Variants in SLC22A5 observed in about 807,000 individuals in gnomAD.
The protein encoded by SLC22A5 is solute carrier family 22 member 5.
Under a neutral mutation model 56.7 loss-of-function variants are expected in SLC22A5, and 44 were observed. The ratio of observed to expected loss-of-function variants is 0.78; its 90% CI spans 0.61 to 1.00. The LOEUF (loss-of-function observed/expected upper bound fraction) is 1.00, where lower values mean the gene tolerates loss of function less well. Among genes scored for constraint, SLC22A5 ranks in the 50% least tolerant of loss-of-function variants. SLC22A5 has a pLI of 0.00. For synonymous variants in SLC22A5, 278 were observed against 292.1 expected (o/e 0.95, Z 0.49); for missense variants, 675 against 723.0 (o/e 0.93, Z 0.76).
intron 2 of SLC22A5, chr5:132,381,412 C>T (rs926411524): frequency 6.6e-6 from 1 of 152,234 alleles, no homozygotes; most frequent in African/African-American, 2.4e-5. Context: ...TTCCCAATGC[C>T]CTGCCTCAAG....
chr5:132,370,452 G>T (rs1025794452), intron 1 of SLC22A5, 87 bp downstream of exon 1: 36 of 1,393,336 alleles, frequency 2.6e-5, no homozygotes, highest in African/African-American at 2.0e-4. Flanking sequence ...TCCCAGATGC[G>T]CACTGGACGC....
chr5:132,370,056 C>T lies in SLC22A5; in HGVS notation c.84C>T (p.Ser28=), dbSNP rs773693788. The change falls in exon 1 of 10, where the codon AGC becomes AGT. Residue 28 remains serine, a synonymous_variant. Coordinates refer to ENST00000245407, the MANE Select transcript of SLC22A5 (RefSeq NM_003060.4). ...TCATCTTCTTCCTGCTCAGCGCCAGCATCATCCCCAATGGCTTCACCGGCC... is the reference window on the plus strand; with the variant it reads ...TCATCTTCTTCCTGCTCAGCGCCAGTATCATCCCCAATGGCTTCACCGGCC... ...QRLIFFLLSA[S]IIPNGFTGLS... The T allele has an allele frequency of 6.2e-7, 1 of 1,613,348 alleles. No homozygotes were observed. The highest frequency in any genetic ancestry group is 1.1e-5 in the South Asian group (1 of 91,074).
At chr5:132,393,646 G>A (rs1752780211) in intron 8 of SLC22A5, 30 bp from the exon 9 acceptor site, 1 of 1,613,682 alleles carries the variant, frequency 6.2e-7, no homozygotes, top group South Asian at 1.1e-5. Context: ...CTGCAGCCCT[G>A]GGCCTGAGGC....
chr5:132,392,730 C>T, intron 8 of SLC22A5, 115 bp downstream of exon 8: 1 of 873,918 alleles, frequency 1.1e-6, no homozygotes, highest in Non-Finnish European at 1.9e-6. Context: ...AGTACATGGG[C>T]TCCATCCAGT....
intron 6 of SLC22A5, chr5:132,389,953 C>G (rs1207320963): frequency 6.4e-6 from 1 of 156,062 alleles, no homozygotes; most frequent in Non-Finnish European, 1.4e-5. Context: ...TGCACATACT[C>G]TTTTTATTGT....
At chr5:132,387,301 C>T (rs923012937) in intron 5 of SLC22A5, 150 bp downstream of exon 5, 22 of 838,026 alleles carry the variant, frequency 2.6e-5, no homozygotes, top group Admixed American at 6.0e-5. Flanking sequence ...CCCCCACTCC[C>T]CACCCCCACA....
At chr5:132,390,118 C>G (rs1446214934) in intron 6 of SLC22A5, 2 of 183,146 alleles carry the variant, frequency 1.1e-5, no homozygotes, top group Admixed American at 1.1e-4. Context: ...GCAGTGTGGC[C>G]CCTCCATTGG....
At chr5:132,375,745 C>T (rs1752120352) in intron 1 of SLC22A5, among the ~76,000 whole-genome samples, 1 of 152,176 alleles carries the variant, frequency 6.6e-6, no homozygotes. Flanking sequence ...GCATTTCTCC[C>T]CAGGAAGAGG....
chr5:132,373,737 G>A (rs1365356434), intron 1 of SLC22A5, among the ~76,000 whole-genome samples: 3 of 152,268 alleles, frequency 2.0e-5, no homozygotes, highest in African/African-American at 7.2e-5. Context: ...CATGGTTCTC[G>A]GCTGGCCTCT....
Position 132,370,246 on chromosome 5 carries a change from T to G in SLC22A5, c.274T>G (p.Phe92Val), listed in dbSNP as rs1246873041. Reference sequence around the variant, plus strand: ...CTACCGGCTCGCCACCATCGCCAACTTCTCGGCGCTTGGGCTGGAGCCGGG... The same window carrying G: ...CTACCGGCTCGCCACCATCGCCAACGTCTCGGCGCTTGGGCTGGAGCCGGG... Reference protein sequence around the residue: ...RRYRLATIANFSALGLEPGRD... With the variant: ...RRYRLATIANVSALGLEPGRD... The change falls in exon 1 of 10, where the codon TTC becomes GTC. Residue 92 changes from phenylalanine (F) to valine (V), a missense_variant. Coordinates refer to ENST00000245407, the MANE Select transcript of SLC22A5 (RefSeq NM_003060.4). The G allele has an allele frequency of 6.3e-7, 1 of 1,577,116 alleles. No individual in the cohort carries two copies. The highest frequency in any genetic ancestry group is 1.1e-5 in the South Asian group (1 of 86,970).
Position 132,385,445 on chromosome 5 carries a change from G to A in SLC22A5, c.770G>A (p.Arg257Gln), listed in dbSNP as rs148989838. 24 of 1,614,016 alleles carry A rather than the reference G, an allele frequency of 1.5e-5. No homozygotes were observed. Among genetic ancestry groups the A allele is most frequent in the African/African-American group, 1.3e-4 (10 of 74,910 alleles). Residue 257 changes from arginine to glutamine, a missense_variant, in exon 4 of 10, where the codon CGG (arginine) becomes CAG (glutamine). Arg to Gln is a conservative substitution (Grantham distance 43). Transcript: ENST00000245407. Reference protein sequence around the residue: ...PLFAYFIRDWRMLLVALTMPG... With the variant: ...PLFAYFIRDWQMLLVALTMPG... ...TTTGCTTACTTCATCCGAGACTGGC[G>A]GATGCTGCTGGTGGCGCTGACGATG... is the stretch of plus-strand genomic sequence containing the variant.
In SLC22A5 at chr5:132,387,113, G is replaced by A; in HGVS notation, c.913G>A (p.Gly305Arg). Residue 305 changes from glycine to arginine, a missense_variant, in exon 5 of 10, where the codon GGG becomes AGG. By Grantham distance (125) the Gly-to-Arg change is moderately radical. Transcript: ENST00000245407. ...CATCCGCAAGGCTGCCAAAGCCAAT[G>A]GGATTGTTGTGCCTTCCACTATCTT... is the stretch of plus-strand genomic sequence containing the variant. ...VIIRKAAKANGIVVPSTIFDP... is the reference protein window; with the variant it reads ...VIIRKAAKANRIVVPSTIFDP... The A allele has an allele frequency of 1.2e-6, 2 of 1,614,182 alleles. No individual in the cohort carries two copies. The highest frequency in any genetic ancestry group is 1.7e-6 in the Non-Finnish European group (2 of 1,180,020).
Position 132,387,038 on chromosome 5 carries a change from TC to T in SLC22A5, c.844del (p.Arg282AspfsTer14), listed in dbSNP as rs386134209. On this transcript the variant is annotated frameshift_variant, in exon 5 of 10. Transcript: ENST00000245407. LOFTEE classifies it high-confidence loss of function. ...TTGTACTGCCAGGTTCATCCCTGAG[TC>T]CCCCCGATGGCTCATCTCTCAGGGA... is the stretch of plus-strand genomic sequence containing the variant. ...CVALWWFIPE[S>X]PRWLISQGRF... 2 of 1,613,766 alleles carry T rather than the reference TC, an allele frequency of 1.2e-6. No homozygotes were observed. The highest frequency in any genetic ancestry group is 1.7e-6 in the Non-Finnish European group (2 of 1,179,904).
chr5:132,391,794 CT>C, intron 7 of SLC22A5, among the ~76,000 whole-genome samples: 1 of 152,262 alleles, frequency 6.6e-6, no homozygotes, highest in South Asian at 2.1e-4. Flanking sequence ...TTCAGTGTAC[CT>C]GTAGATTTGG....
intron 2 of SLC22A5, 32 bp downstream of exon 2, chr5:132,378,513 A>C (rs760031198): frequency 2.5e-5 from 38 of 1,506,838 alleles, no homozygotes; most frequent in Non-Finnish European, 3.5e-5. Flanking sequence ...GCACCAGGGG[A>C]CCTCAGCACT....
chr5:132,394,053 C>G (rs1417959154), intron 9 of SLC22A5, 132 bp from the exon 10 acceptor site: 4 of 792,556 alleles, frequency 5.0e-6, no homozygotes, highest in Admixed American at 4.1e-5. Context: ...AACTCAGAGG[C>G]TAGAAGAAAC....
rs151231558 is a variant in SLC22A5 at position 132,378,408 on chromosome 5, G to T, written c.424G>T (p.Ala142Ser). The T allele has an allele frequency of 2.5e-4, 402 of 1,614,090 alleles. No homozygotes were observed. Among genetic ancestry groups the T allele is most frequent in the Non-Finnish European group, 3.2e-4 (383 of 1,180,030 alleles). The change falls in exon 2 of 10, where the codon GCC (alanine) becomes TCC (serine). Residue 142 changes from alanine (A) to serine (S), a missense_variant. Ala to Ser is a moderately conservative substitution (Grantham distance 99, BLOSUM62 1). Coordinates refer to ENST00000245407, the MANE Select transcript of SLC22A5 (RefSeq NM_003060.4). ...CCTGGTGTGTGAGGACGACTGGAAGGCCCCACTCACAATCTCCTTGTTCTT... is the reference window on the plus strand; with the variant it reads ...CCTGGTGTGTGAGGACGACTGGAAGTCCCCACTCACAATCTCCTTGTTCTT... ...WNLVCEDDWK[A>S]PLTISLFFVG...
chr5:132,388,877 T>C, intron 5 of SLC22A5, 44 bp from the exon 6 acceptor site: 1 of 1,258,692 alleles, frequency 7.9e-7, no homozygotes. Context: ...TCTGAGTCTC[T>C]GACCACCTCT....
intron 2 of SLC22A5, 167 bp from the exon 3 acceptor site, chr5:132,383,980 G>C: frequency 1.4e-6 from 1 of 704,314 alleles, no homozygotes; most frequent in Non-Finnish European, 2.5e-6. Context: ...GGGAGGGGGA[G>C]AAATAGCATG....
Sources: gnomAD v4.1 joint callset for allele counts (sites outside exome capture counted in the v4.1 genomes callset) on GRCh38, gnomAD v4.1.1 for gene constraint, MANE v1.5 for transcripts, NCBI Gene and HGNC (gene_info 2026-07-23, HGNC 2026-07-21) for gene names.